The following CSMD1 variants were observed in gnomAD, a reference collection of about 807,000 sequenced individuals.
CSMD1 encodes the protein CUB and Sushi multiple domains 1, also known as CUB and sushi domain-containing protein 1.
Under a neutral mutation model 417.5 loss-of-function variants are expected in CSMD1, and 213 were observed. That is an observed-to-expected ratio of 0.51 (90% CI 0.46 to 0.57). The LOEUF is 0.57. Ranked by LOEUF, CSMD1 falls within the 20% of genes least tolerant of loss-of-function variation. The probability of loss-of-function intolerance (pLI) is 0.00; values close to 1 mark genes in which losing one functional copy is unlikely to be tolerated. For synonymous variants in CSMD1, 2,862 were observed against 1,736.8 expected (o/e 1.65, Z -16.11); for missense variants, 6,923 against 4,529.7 (o/e 1.53, Z -15.17).
At chr8:3,152,760 C>A (rs190632991) in intron 39 of CSMD1, among the ~76,000 whole-genome samples, 15 of 152,194 alleles carry the variant, frequency 9.9e-5, no homozygotes, top group Non-Finnish European at 2.2e-4. Context: ...CCTCTCAAGG[C>A]GACTTCTTTG....
chr8:3,938,123 T>C (rs2554620), intron 5 of CSMD1, among the ~76,000 whole-genome samples: 58,788 of 151,838 alleles, frequency 0.39, 11,611 homozygotes, highest in East Asian at 0.48. Flanking sequence ...TATAAAATGT[T>C]AGATGTAAAT....
intron 6 of CSMD1, among the ~76,000 whole-genome samples, chr8:3,717,069 A>G (rs970949504): frequency 2.0e-5 from 3 of 152,222 alleles, no homozygotes; most frequent in African/African-American, 7.2e-5. Flanking sequence ...GAAGTCTGAT[A>G]CTAGAACCTG....
At chr8:3,065,622 T>A (rs536133508) in intron 49 of CSMD1, among the ~76,000 whole-genome samples, 2 of 152,004 alleles carry the variant, frequency 1.3e-5, no homozygotes, top group South Asian at 4.1e-4. Flanking sequence ...AGGAAGATGA[T>A]AGGAAGATAG....
chr8:4,076,098 A>T (rs2552137), intron 3 of CSMD1, among the ~76,000 whole-genome samples: 1 of 152,046 alleles, frequency 6.6e-6, no homozygotes, highest in African/African-American at 2.4e-5. Context: ...TGCAGTTCCC[A>T]TAATCCCCAC....
At position 3,476,601 on chromosome 8, in the gene CSMD1, C is replaced by G. The variant is rs190101893; in HGVS notation, c.1449-7777G>C. 5.8e-4 allele frequency among the ~76,000 whole-genome samples: 89 copies of G among 152,196 alleles called. 1 individual carries two copies. In the East Asian group the frequency reaches 0.014, roughly 25 times the overall value. ...CATACATCCATTGGTGTGACATTCT[C>G]ACACCCCAAAATTACAAGGATAAAT... is the stretch of plus-strand genomic sequence containing the variant. On this transcript the variant is annotated intron_variant, in intron 11 of 69. Transcript: ENST00000635120.
At chr8:3,410,490 C>A (rs779009604) in intron 12 of CSMD1, among the ~76,000 whole-genome samples, 112 of 152,246 alleles carry the variant, frequency 7.4e-4, no homozygotes, top group Admixed American at 3.9e-4. Context: ...GTGAATAAGG[C>A]TCAGGAGGTC....
In CSMD1 at chr8:4,333,671, G is replaced by C. The variant is rs560099491; in HGVS notation, c.415+86282C>G. 3.9e-5 allele frequency among the ~76,000 whole-genome samples: 6 copies of C among 152,134 alleles called. No homozygotes were observed. The East Asian group carries it at 9.7e-4, about 25-fold the overall frequency. On this transcript the variant is annotated intron_variant, in intron 3 of 69. Transcript: ENST00000635120. ...ACTGAGAACACATCATTTTATAAGT[G>C]CTTTTCTACGATACCATTTAATGAG...
chr8:4,953,602 G>A (rs1470341340), intron 1 of CSMD1, among the ~76,000 whole-genome samples: 1 of 152,120 alleles, frequency 6.6e-6, no homozygotes, highest in African/African-American at 2.4e-5. Flanking sequence ...ATAAAATTTA[G>A]TAAAGAAAAA....
chr8:3,806,296 G>A (rs928278831), intron 5 of CSMD1, among the ~76,000 whole-genome samples: 62 of 152,146 alleles, frequency 4.1e-4, no homozygotes, highest in Non-Finnish European at 7.4e-4. Context: ...CTATCGTAAT[G>A]ATGGCCTTAA....
rs79547398 is a variant in CSMD1, at chr8:3,418,634, T to C, written c.1562-9029A>G. ...CTCAGCTCAACAGGTCTGTCTGCCA[T>C]AACCTGCAACGTAATGAGAAGCAGG... On this transcript the variant is annotated intron_variant, in intron 12 of 69. Transcript: ENST00000635120. Among the ~76,000 whole-genome samples, 337 of 152,276 alleles carry C rather than the reference T, an allele frequency of 2.2e-3. 9 individuals carry two copies. In the East Asian group the frequency reaches 0.059, roughly 26 times the overall value.
chr8:4,183,535 T>G (rs941935794), intron 3 of CSMD1, among the ~76,000 whole-genome samples: 1 of 152,208 alleles, frequency 6.6e-6, no homozygotes, highest in Admixed American at 6.5e-5. Context: ...GGTTTATTTG[T>G]AATATGATAA....
intron 3 of CSMD1, among the ~76,000 whole-genome samples, chr8:4,328,403 T>C (rs1283333326): frequency 6.6e-6 from 1 of 152,076 alleles, no homozygotes; most frequent in Non-Finnish European, 1.5e-5. Context: ...TTCTGGTTTC[T>C]ACTTTTGAGT....
chr8:3,587,983 G>C (rs1206023520), intron 8 of CSMD1, among the ~76,000 whole-genome samples: 1 of 152,062 alleles, frequency 6.6e-6, no homozygotes, highest in Non-Finnish European at 1.5e-5. Flanking sequence ...TTCATTGCTA[G>C]CCATCACAGT....
chr8:4,951,581 G>C, intron 1 of CSMD1, among the ~76,000 whole-genome samples: 1 of 59,684 alleles, frequency 1.7e-5, no homozygotes, highest in South Asian at 4.7e-4. Context: ...AAGAAAAGAA[G>C]CAAAAAAAAA....
intron 5 of CSMD1, among the ~76,000 whole-genome samples, chr8:3,980,914 G>A (rs562068550): frequency 1.3e-5 from 2 of 152,114 alleles, no homozygotes; most frequent in Non-Finnish European, 2.9e-5. Flanking sequence ...ATTCACAATT[G>A]TTCTAAAACA....
intron 1 of CSMD1, among the ~76,000 whole-genome samples, chr8:4,820,976 G>T (rs151262422): frequency 9.2e-5 from 14 of 152,170 alleles, no homozygotes; most frequent in African/African-American, 2.2e-4. Flanking sequence ...CTCAAAAATG[G>T]TAAGAGACAC....
chr8:4,960,114 AG>A (rs941881467), intron 1 of CSMD1, among the ~76,000 whole-genome samples: 2 of 152,190 alleles, frequency 1.3e-5, no homozygotes, highest in African/African-American at 4.8e-5. Flanking sequence ...CATTTTTAGG[AG>A]GGATATAATG....
At chr8:3,389,099 T>G (rs550508542) in intron 17 of CSMD1, among the ~76,000 whole-genome samples, 2 of 152,288 alleles carry the variant, frequency 1.3e-5, no homozygotes, top group South Asian at 4.1e-4. Context: ...GGGTGAATGA[T>G]TTTTTGTTGT....
chr8:4,435,878 G>A (rs1420825263), intron 2 of CSMD1, among the ~76,000 whole-genome samples: 1 of 152,218 alleles, frequency 6.6e-6, no homozygotes, highest in African/African-American at 2.4e-5. Flanking sequence ...GTGTGACCCT[G>A]AGAGTGGAGT....
Sources: gnomAD v4.1 joint callset for allele counts (sites outside exome capture counted in the v4.1 genomes callset) on GRCh38, gnomAD v4.1.1 for gene constraint, MANE v1.5 for transcripts, NCBI Gene and HGNC (gene_info 2026-07-23, HGNC 2026-07-21) for gene names.